KCNIP4: variants seen among roughly 807,000 people sequenced by gnomAD.
KCNIP4 encodes Kv channel-interacting protein 4.
A neutral mutation model predicts 34.0 loss-of-function variants in KCNIP4; 12 were observed. The ratio of observed to expected loss-of-function variants is 0.35; its 90% CI spans 0.23 to 0.57. The LOEUF (loss-of-function observed/expected upper bound fraction) is 0.57, where lower values mean the gene tolerates loss of function less well. KCNIP4 is among the 20% of genes least tolerant of loss of function. The pLI, the probability that KCNIP4 is intolerant of heterozygous loss-of-function variation, is 0.83. For missense variants in KCNIP4, 238 were observed against 311.7 expected, an observed-to-expected ratio of 0.76 and a Z score of 1.78; for synonymous variants, 124 against 102.2, an observed-to-expected ratio of 1.21 and a Z score of -1.29.
intron 3 of KCNIP4, among the ~76,000 whole-genome samples, chr4:20,803,470 CAAAAAAAAAAAAAAAAAAAAA>C (rs551176038): frequency 1.5e-4 from 13 of 85,892 alleles, no homozygotes; most frequent in Non-Finnish European, 2.2e-4. Flanking sequence ...TCATCTTTAC[CAAAAAAAAAAAAAAAAAAAAA>C]AAAAAAAAAA....
chr4:20,753,620 A>G (rs899012933), intron 4 of KCNIP4, among the ~76,000 whole-genome samples: 3 of 152,172 alleles, frequency 2.0e-5, no homozygotes, highest in Admixed American at 6.5e-5. Context: ...AGCACGAGGA[A>G]TAGAATCACC....
At chr4:21,352,081 T>C (rs1039492669) in intron 1 of KCNIP4, among the ~76,000 whole-genome samples, 1 of 151,988 alleles carries the variant, frequency 6.6e-6, no homozygotes, top group South Asian at 2.1e-4. Context: ...GCCCTAACCA[T>C]CCATCTCAAG....
intron 1 of KCNIP4, among the ~76,000 whole-genome samples, chr4:21,800,451 A>C (rs1720917367): frequency 6.6e-6 from 1 of 152,142 alleles, no homozygotes; most frequent in Non-Finnish European, 1.5e-5. Flanking sequence ...ACCAAATCAG[A>C]TCAATTCATA....
chr4:21,643,864 TGATGATGATAGATAGATA>T (rs1481394652), intron 1 of KCNIP4, among the ~76,000 whole-genome samples: 9 of 97,598 alleles, frequency 9.2e-5, no homozygotes, highest in Admixed American at 1.9e-4. Context: ...TAGGTGATGA[TGATGATGATAGATAGATA>T]GATAGATAGA....
chr4:21,556,944 C>CAAAAAAAAAAAAAAAAAA (rs1560514384), intron 1 of KCNIP4, among the ~76,000 whole-genome samples: 1 of 98,266 alleles, frequency 1.0e-5, no homozygotes, highest in Non-Finnish European at 2.1e-5. Context: ...AAAAAAAAAA[C>CAAAAAAAAAAAAAAAAAA]CAGAAAACAA....
intron 1 of KCNIP4, among the ~76,000 whole-genome samples, chr4:21,030,281 C>A (rs2149762485): frequency 6.6e-6 from 1 of 152,164 alleles, no homozygotes; most frequent in African/African-American, 2.4e-5. Context: ...TTGTGTGCTC[C>A]TTATGAGAAT....
rs150223599 is a variant in KCNIP4, at chr4:21,134,546, T to C, written c.62-251837A>G. On this transcript the variant is annotated intron_variant, in intron 1 of 8. Transcript: ENST00000382152. ...CCCTAACCTCTGTAAGTGTCAACTG[T>C]ATTTCCAAAGCCAATAACTCTTCTA... Among the ~76,000 whole-genome samples, 1,109 of 152,318 alleles carry C rather than the reference T, an allele frequency of 7.3e-3. 21 individuals are homozygous for C. Among genetic ancestry groups the C allele is most frequent in the African/African-American group, 0.025 (1,048 of 41,584 alleles).
chr4:21,933,176 T>C (rs1729668533), intron 1 of KCNIP4, among the ~76,000 whole-genome samples: 1 of 152,088 alleles, frequency 6.6e-6, no homozygotes, highest in South Asian at 2.1e-4. Flanking sequence ...TGTCTTCTGT[T>C]TTTTGCTGGG....
At chr4:21,686,226 T>C (rs1750793127) in intron 1 of KCNIP4, among the ~76,000 whole-genome samples, 1 of 152,106 alleles carries the variant, frequency 6.6e-6, no homozygotes, top group South Asian at 2.1e-4. Flanking sequence ...AATATTGAGC[T>C]CGGAAGATTT....
intron 1 of KCNIP4, among the ~76,000 whole-genome samples, chr4:21,866,120 A>G (rs1176949456): frequency 1.3e-5 from 2 of 152,182 alleles, no homozygotes; most frequent in Non-Finnish European, 2.9e-5. Context: ...GCAGAGTTGC[A>G]TTCCTATGGC....
At chr4:21,515,379 CTG>C (rs1179483362) in intron 1 of KCNIP4, among the ~76,000 whole-genome samples, 1 of 152,144 alleles carries the variant, frequency 6.6e-6, no homozygotes, top group African/African-American at 2.4e-5. Flanking sequence ...TGGCTCATGC[CTG>C]TAATCCCAGC....
intron 1 of KCNIP4, among the ~76,000 whole-genome samples, chr4:21,352,139 A>T (rs1578115802): frequency 6.6e-6 from 1 of 152,246 alleles, no homozygotes; most frequent in East Asian, 1.9e-4. Flanking sequence ...CTAAAAAAAG[A>T]AAAAAATCTT....
At position 21,948,738 on chromosome 4, in the gene KCNIP4, G is replaced by C; in HGVS notation, c.-107C>G. The stretch of plus-strand genomic sequence containing the variant: ...ACCGCCGCTCGGCCCGGGGGCGTCC[G>C]TGGCGCTGGGAGCGAGAGCTTCGGC... On this transcript the variant is annotated 5_prime_UTR_variant, in exon 1 of 9. Coordinates refer to ENST00000382152, the MANE Select transcript of KCNIP4 (RefSeq NM_025221.6). The C allele has an allele frequency of 4.8e-6, 6 of 1,259,082 alleles. No homozygotes were observed. In the Admixed American group the frequency reaches 1.9e-4, roughly 39 times the overall value. 78.0% of individuals were successfully genotyped at this position (1,259,082 alleles called of 1,614,324 possible).
At chr4:21,499,330 C>CAAA (rs527385773) in intron 1 of KCNIP4, among the ~76,000 whole-genome samples, 1 of 98,250 alleles carries the variant, frequency 1.0e-5, no homozygotes, top group Admixed American at 1.1e-4. Flanking sequence ...GACTCCATCT[C>CAAA]AAAAAAAAAA....
intron 1 of KCNIP4, among the ~76,000 whole-genome samples, chr4:21,041,038 A>G (rs927785199): frequency 1.3e-5 from 2 of 151,798 alleles, no homozygotes; most frequent in Non-Finnish European, 2.9e-5. Flanking sequence ...TTTGTCTTCT[A>G]TAGCCTTTAA....
chr4:20,914,687 G>T (rs1415686388), intron 1 of KCNIP4, among the ~76,000 whole-genome samples: 2 of 152,120 alleles, frequency 1.3e-5, no homozygotes, highest in Non-Finnish European at 2.9e-5. Context: ...TGGTCCCAGG[G>T]TCTAATTGAA....
chr4:21,430,036 T>C (rs1322173541), intron 1 of KCNIP4, among the ~76,000 whole-genome samples: 1 of 152,128 alleles, frequency 6.6e-6, no homozygotes, highest in African/African-American at 2.4e-5. Flanking sequence ...CTGATATACT[T>C]TGGTACCAAT....
At chr4:20,760,115 C>T (rs768381955) in intron 3 of KCNIP4, among the ~76,000 whole-genome samples, 3 of 152,140 alleles carry the variant, frequency 2.0e-5, no homozygotes, top group South Asian at 2.1e-4. Flanking sequence ...TAGTGTTGTT[C>T]AAGAGTCAAC....
chr4:21,508,682 C>A lies in KCNIP4; in HGVS notation c.61+439889G>T, dbSNP rs575338637. ...AAGCATTTGCTGCTTTTGCAAGGAA[C>A]AGATAGGTCTGGTACCATTCTTCTC... On this transcript the variant is annotated intron_variant, in intron 1 of 8. Transcript: ENST00000382152. Among the ~76,000 whole-genome samples the A allele has an allele frequency of 3.3e-5, 5 of 152,284 alleles. No homozygotes were observed. In the South Asian group the frequency reaches 6.2e-4, roughly 19 times the overall value.
Sources: allele counts gnomAD v4.1 joint callset (sites outside exome capture counted in the v4.1 genomes callset), GRCh38; gene constraint gnomAD v4.1.1; transcripts MANE v1.5; gene names NCBI Gene and HGNC (gene_info 2026-07-23, HGNC 2026-07-21).